Variants in UXS1 observed in about 807,000 individuals in gnomAD.
The protein encoded by UXS1 is UDP-glucuronic acid decarboxylase 1.
In UXS1, 33 loss-of-function variants were observed where a neutral mutation model predicts 62.6. That is an observed-to-expected ratio of 0.53 (90% CI 0.40 to 0.70). UXS1 has a LOEUF of 0.70. UXS1 is among the 30% of genes least tolerant of loss of function. UXS1 has a pLI of 0.00. For synonymous variants in UXS1, 213 were observed against 206.8 expected (o/e 1.03, Z -0.26); for missense variants, 434 against 556.3 (o/e 0.78, Z 2.21).
chr2:106,094,299 C>G, intron 14 of UXS1, 142 bp from the exon 15 acceptor site: 1 of 896,752 alleles, frequency 1.1e-6, no homozygotes, highest in Non-Finnish European at 1.6e-6. Context: ...CAGAACCATG[C>G]TTTGGTTGTG....
At chr2:106,128,392 G>A (rs537114911) in intron 7 of UXS1, among the ~76,000 whole-genome samples, 4 of 152,292 alleles carry the variant, frequency 2.6e-5, no homozygotes, top group African/African-American at 7.2e-5. Context: ...AGGATGCCCA[G>A]GTATCTGGTT....
chr2:106,156,243 C>A (rs1682415822), intron 5 of UXS1, among the ~76,000 whole-genome samples: 1 of 152,036 alleles, frequency 6.6e-6, no homozygotes, highest in Non-Finnish European at 1.5e-5. Flanking sequence ...ATAGAAATTT[C>A]TCCAAAGAAG....
rs1387947316 is a variant in UXS1 at position 106,138,095 on chromosome 2, G to A, written c.472+7095C>T. The A allele has an allele frequency of 4.7e-6, 4 of 847,708 alleles. No homozygotes were observed. The Admixed American group carries it at 2.5e-4, about 53-fold the overall frequency. The allele number at this position is 847,708 out of a possible 1,614,324, so 52.5% of individuals were successfully genotyped here. On this transcript the variant is annotated intron_variant, in intron 6 of 14. Transcript: ENST00000283148. Reference sequence around the variant, plus strand: ...GGAAAGACAGGAAACTGCATTAAAGGCTAAGAGGGAAGAAGTGTGCCTTGA... The same window carrying A: ...GGAAAGACAGGAAACTGCATTAAAGACTAAGAGGGAAGAAGTGTGCCTTGA...
At chr2:106,163,642 A>G in intron 4 of UXS1, 25 bp downstream of exon 4, 4 of 1,442,686 alleles carry the variant, frequency 2.8e-6, no homozygotes, top group Admixed American at 3.0e-5. Context: ...TTAACTATTG[A>G]CTTTAAGACA....
At position 106,112,653 on chromosome 2, in the gene UXS1, G is replaced by T. The variant is rs900572295; in HGVS notation, c.872C>A (p.Pro291Gln). Reference protein sequence around the residue: ...NFILQALQGEPLTVYGSGSQT... With the variant: ...NFILQALQGEQLTVYGSGSQT... ...GCCGAGGCCAGCACCTACCGTGAGTGGCTCCCCCTGGAGCGCCTGCAGGAT... is the reference window on the plus strand; with the variant it reads ...GCCGAGGCCAGCACCTACCGTGAGTTGCTCCCCCTGGAGCGCCTGCAGGAT... Residue 291 changes from proline (P) to glutamine (Q), a missense_variant, in exon 10 of 15, where the codon CCA (proline) becomes CAA (glutamine). By Grantham distance (76) the Pro-to-Gln change is moderately conservative. Coordinates refer to ENST00000283148, the MANE Select transcript of UXS1 (RefSeq NM_001253875.2). 6.2e-7 allele frequency: 1 copy of T among 1,613,940 alleles called. No homozygotes were observed. Among genetic ancestry groups the T allele is most frequent in the East Asian group, 2.2e-5 (1 of 44,872 alleles).
intron 12 of UXS1, among the ~76,000 whole-genome samples, chr2:106,099,494 G>C (rs143955424): frequency 9.8e-5 from 15 of 152,296 alleles, no homozygotes; most frequent in African/African-American, 3.4e-4. Flanking sequence ...TGGAGGGAGA[G>C]ACCCTGGGCC....
At chr2:106,181,889 G>A (rs1020462018) in intron 1 of UXS1, among the ~76,000 whole-genome samples, 2 of 152,122 alleles carry the variant, frequency 1.3e-5, no homozygotes, top group African/African-American at 2.4e-5. Flanking sequence ...TGAAAGTAGG[G>A]CACTTTCTAA....
chr2:106,138,675 T>C, intron 6 of UXS1: 1 of 985,506 alleles, frequency 1.0e-6, no homozygotes, highest in Non-Finnish European at 1.2e-6. Flanking sequence ...TCTTCCTCAC[T>C]GGACAGGTCA....
At chr2:106,117,427 ACTG>A (rs1679146329) in intron 9 of UXS1, among the ~76,000 whole-genome samples, 1 of 152,208 alleles carries the variant, frequency 6.6e-6, no homozygotes, top group Non-Finnish European at 1.5e-5. Context: ...AGCCTGTGGT[ACTG>A]CTGATTTTGT....
chr2:106,115,905 C>T (rs767147442), intron 9 of UXS1, among the ~76,000 whole-genome samples: 4 of 152,196 alleles, frequency 2.6e-5, no homozygotes, highest in African/African-American at 4.8e-5. Context: ...ACAGTGACCA[C>T]GTGTGGAATA....
At chr2:106,107,763 G>A (rs1678205760) in intron 10 of UXS1, among the ~76,000 whole-genome samples, 2 of 152,188 alleles carry the variant, frequency 1.3e-5, no homozygotes, top group African/African-American at 4.8e-5. Context: ...GCATTTCCCT[G>A]CGTGACTCGC....
chr2:106,175,653 G>C (rs140660302), intron 1 of UXS1, among the ~76,000 whole-genome samples: 1 of 152,170 alleles, frequency 6.6e-6, no homozygotes, highest in Non-Finnish European at 1.5e-5. Flanking sequence ...CATGCGTGAA[G>C]TCTGACCACG....
intron 6 of UXS1, among the ~76,000 whole-genome samples, chr2:106,143,735 C>G (rs978221306): frequency 6.6e-6 from 1 of 152,178 alleles, no homozygotes; most frequent in African/African-American, 2.4e-5. Flanking sequence ...CTTACAGGCT[C>G]TCAGCAGGGA....
At chr2:106,186,542 ACAAT>A (rs1420092260) in intron 1 of UXS1, among the ~76,000 whole-genome samples, 5 of 152,112 alleles carry the variant, frequency 3.3e-5, no homozygotes, top group African/African-American at 1.2e-4. Flanking sequence ...GTTATGAGAA[ACAAT>A]CAAACAAACA....
intron 1 of UXS1, among the ~76,000 whole-genome samples, chr2:106,180,390 T>C (rs114508906): frequency 7.9e-5 from 12 of 152,280 alleles, no homozygotes; most frequent in Non-Finnish European, 1.6e-4. Flanking sequence ...CTATCCAAAT[T>C]ATAAACCACC....
chr2:106,104,553 G>A (rs571219817), intron 11 of UXS1, among the ~76,000 whole-genome samples: 115 of 152,288 alleles, frequency 7.6e-4, no homozygotes, highest in African/African-American at 2.6e-3. Flanking sequence ...CCCACACACC[G>A]CTAGGTGGCA....
At chr2:106,177,200 CTTTTT>C (rs5833174) in intron 1 of UXS1, among the ~76,000 whole-genome samples, 6 of 134,672 alleles carry the variant, frequency 4.5e-5, no homozygotes, top group African/African-American at 8.3e-5. Context: ...TTTCTTTTTT[CTTTTT>C]TTTTTTTTGA....
At chr2:106,142,550 G>A (rs1558718151) in intron 6 of UXS1, among the ~76,000 whole-genome samples, 1 of 152,116 alleles carries the variant, frequency 6.6e-6, no homozygotes, top group Non-Finnish European at 1.5e-5. Context: ...ATTCTTTCAG[G>A]TTGGCTGAGG....
chr2:106,145,412 A>G, intron 5 of UXS1, 42 bp from the exon 6 acceptor site: 3 of 1,566,024 alleles, frequency 1.9e-6, no homozygotes, highest in Non-Finnish European at 2.6e-6. Flanking sequence ...CAGAAAAAGC[A>G]CATGAGAACA....
Sources: gnomAD v4.1 joint callset for allele counts (sites outside exome capture counted in the v4.1 genomes callset) on GRCh38, gnomAD v4.1.1 for gene constraint, MANE v1.5 for transcripts, NCBI Gene and HGNC (gene_info 2026-07-23, HGNC 2026-07-21) for gene names.